Variants in USP2 observed in about 807,000 individuals in gnomAD.
USP2 encodes ubiquitin carboxyl-terminal hydrolase 2.
A neutral mutation model predicts 72.0 loss-of-function variants in USP2; 33 were observed. The observed-to-expected ratio is 0.46, with a 90% CI of 0.35 to 0.61. USP2 has a LOEUF of 0.61. USP2 is among the 20% of genes least tolerant of loss of function. The pLI is 0.01. For synonymous variants in USP2, 296 were observed against 312.5 expected (o/e 0.95, Z 0.56); for missense variants, 691 against 797.8 (o/e 0.87, Z 1.61).
rs543838425 is a variant in USP2, at chr11:119,355,249, G to T, written c.*1586C>A. The T allele has an allele frequency of 6.6e-6, 1 of 152,192 alleles. No individual in the cohort carries two copies. The highest frequency in any genetic ancestry group is 1.5e-5 in the Non-Finnish European group (1 of 68,040). The allele number at this position is 152,192 out of a possible 1,614,324, so 9.4% of individuals were successfully genotyped here. A position where few individuals can be genotyped will look rare whatever the true frequency, so the allele number is the denominator to read the frequency against. ...AAAGCTATTATTTATTCTGTACAAG[G>T]TTCCACTGTACATTAGACATTCTTC... On this transcript the variant is annotated 3_prime_UTR_variant, in exon 13 of 13. Coordinates refer to ENST00000260187, the MANE Select transcript of USP2 (RefSeq NM_004205.5).
Position 119,381,545 on chromosome 11 carries a change from C to T in USP2, c.-114G>A. Reference sequence around the variant, plus strand: ...AGCTGCGGGTGAGTCCCGGCTGGCGCTGGCGCGGCGCAGTGAGCACCAGCT... The same window carrying T: ...AGCTGCGGGTGAGTCCCGGCTGGCGTTGGCGCGGCGCAGTGAGCACCAGCT... On this transcript the variant is annotated 5_prime_UTR_variant, in exon 1 of 13. Transcript: ENST00000260187. The T allele has an allele frequency of 1.3e-6, 2 of 1,536,086 alleles. No homozygotes were observed. Among genetic ancestry groups the T allele is most frequent in the South Asian group, 1.2e-5 (1 of 84,050 alleles).
chr11:119,367,941 C>T (rs74789371), intron 2 of USP2, among the ~76,000 whole-genome samples: 2,869 of 152,262 alleles, frequency 0.019, 100 homozygotes, highest in African/African-American at 0.066. Context: ...CCCAGCACCA[C>T]ATTAACTCAT....
At chr11:119,371,267 C>A (rs1950922436) in intron 2 of USP2, among the ~76,000 whole-genome samples, 1 of 152,066 alleles carries the variant, frequency 6.6e-6, no homozygotes. Flanking sequence ...TTCTAGGACC[C>A]GAGCCCCTCC....
Position 119,373,628 on chromosome 11 carries a change from T to C in USP2, c.-41-107A>G, listed in dbSNP as rs535695084. 92 of 1,117,250 alleles carry C rather than the reference T, an allele frequency of 8.2e-5. No individual in the cohort carries two copies. In the African/African-American group the frequency reaches 1.3e-3, roughly 16 times the overall value. 69.2% of individuals were successfully genotyped at this position (1,117,250 alleles called of 1,614,324 possible). The stretch of plus-strand genomic sequence containing the variant: ...CCAGAACCTCAGAGCTCCCAGTCCA[T>C]TTCCACAAGAGGCAGGCTGGCTGCT... On this transcript the variant is annotated intron_variant, in intron 1 of 12. Coordinates refer to ENST00000260187, the MANE Select transcript of USP2 (RefSeq NM_004205.5).
rs149013433 is a variant in USP2 at position 119,373,020 on chromosome 11, C to T, written c.461G>A (p.Arg154Gln). ...SDLARDFSSL[R>Q]TSDSYRIDPR... ...GTCTATCCGGTAGCTATCTGAGGTC[C>T]GGAGGCTGGAGAAATCCCGGGCCAG... is the stretch of plus-strand genomic sequence containing the variant. Residue 154 changes from arginine (R) to glutamine (Q), a missense_variant, in exon 2 of 13, where the codon CGG becomes CAG. Physicochemically the swap from Arg to Gln is conservative, Grantham distance 43 (BLOSUM62 1). Transcript: ENST00000260187. 30 of 1,613,720 alleles carry T rather than the reference C, an allele frequency of 1.9e-5. No homozygotes were observed. Among genetic ancestry groups the T allele is most frequent in the Non-Finnish European group, 2.1e-5 (25 of 1,180,032 alleles).
intron 2 of USP2, among the ~76,000 whole-genome samples, chr11:119,366,929 C>T (rs2135399839): frequency 6.6e-6 from 1 of 152,262 alleles, no homozygotes; most frequent in East Asian, 1.9e-4. Context: ...CAGGGAGGGC[C>T]AGATGCAGAA....
Position 119,373,188 on chromosome 11 carries a change from C to T in USP2, c.293G>A (p.Gly98Asp), listed in dbSNP as rs1198213301. The change falls in exon 2 of 13, where the codon GGT becomes GAT. Residue 98 changes from glycine to aspartate, a missense_variant. Transcript: ENST00000260187. Reference sequence around the variant, plus strand: ...GCCACTGCCTAAAGGCCGCTCAGTACCCCGGGTCTGGCTCTCTGCCCGCTT... The same window carrying T: ...GCCACTGCCTAAAGGCCGCTCAGTATCCCGGGTCTGGCTCTCTGCCCGCTT... ...GGKRAESQTR[G>D]TERPLGSGLS... 1.2e-6 allele frequency: 2 copies of T among 1,614,048 alleles called. No homozygotes were observed. The highest frequency in any genetic ancestry group is 2.2e-5 in the East Asian group (1 of 44,888).
intron 2 of USP2, chr11:119,364,232 C>A: frequency 3.7e-6 from 4 of 1,080,658 alleles, no homozygotes; most frequent in Non-Finnish European, 4.5e-6. Flanking sequence ...GCGCCTCGGG[C>A]CCCGCGACGT....
intron 2 of USP2, among the ~76,000 whole-genome samples, chr11:119,372,198 T>C (rs764376362): frequency 2.6e-4 from 39 of 152,226 alleles, no homozygotes; most frequent in Non-Finnish European, 5.4e-4. Flanking sequence ...AGTATGCCAG[T>C]GTCACTCAGA....
At position 119,357,855 on chromosome 11, in the gene USP2, G is replaced by C; in HGVS notation, c.1423-20C>G. The C allele has an allele frequency of 2.5e-6, 4 of 1,614,088 alleles. No individual in the cohort carries two copies. Among genetic ancestry groups the C allele is most frequent in the Non-Finnish European group, 3.4e-6 (4 of 1,180,022 alleles). ...GCATGTCTGAGAGACAAGACAAACA[G>C]AAAGAACTTGTGGGGAAGTCAGTGG... On this transcript the variant is annotated intron_variant, in intron 9 of 12. Transcript: ENST00000260187.
At chr11:119,357,108 G>T in intron 12 of USP2, 79 bp downstream of exon 12, 1 of 1,393,810 alleles carries the variant, frequency 7.2e-7, no homozygotes, top group Non-Finnish European at 9.6e-7. Flanking sequence ...GGAGGGGGGT[G>T]GGTTTGGGGG....
At chr11:119,363,553 ACCTGT>A (rs1950799574) in intron 2 of USP2, among the ~76,000 whole-genome samples, 1 of 151,782 alleles carries the variant, frequency 6.6e-6, no homozygotes, top group South Asian at 2.1e-4. Flanking sequence ...GCTTTCCTGC[ACCTGT>A]CCTGATAGGT....
chr11:119,378,140 C>T (rs1255452283), intron 1 of USP2, among the ~76,000 whole-genome samples: 1 of 152,144 alleles, frequency 6.6e-6, no homozygotes, highest in Non-Finnish European at 1.5e-5. Context: ...CTAACAGCAT[C>T]AGAATGTGCT....
At chr11:119,361,364 C>G (rs896717897) in intron 2 of USP2, among the ~76,000 whole-genome samples, 1 of 152,180 alleles carries the variant, frequency 6.6e-6, no homozygotes, top group Admixed American at 6.5e-5. Context: ...CTGGGCATAT[C>G]TCCAAGGAGT....
chr11:119,381,208 A>G (rs1314978553), intron 1 of USP2, among the ~76,000 whole-genome samples: 1 of 152,122 alleles, frequency 6.6e-6, no homozygotes, highest in Non-Finnish European at 1.5e-5. Context: ...TACACGGGGC[A>G]CAGCGAGGAG....
At position 119,357,304 on chromosome 11, in the gene USP2, T is replaced by C. The variant is rs1950682102; in HGVS notation, c.1613A>G (p.His538Arg). ...LREFASENTNHAVYNLYAVSN... is the reference protein window; with the variant it reads ...LREFASENTNRAVYNLYAVSN... ...CACAGCGTACAGGTTGTAAACAGCA[T>C]GGTCTGAGGAGGAGGCAGCCGTCAA... Residue 538 changes from histidine to arginine, a missense_variant, in exon 12 of 13, where the codon CAT becomes CGT. His to Arg is a conservative substitution (Grantham distance 29). Coordinates refer to ENST00000260187, the MANE Select transcript of USP2 (RefSeq NM_004205.5). 2.5e-6 allele frequency: 4 copies of C among 1,613,088 alleles called. No homozygotes were observed. Among genetic ancestry groups the C allele is most frequent in the Non-Finnish European group, 1.7e-6 (2 of 1,179,852 alleles).
rs910755347 is a variant in USP2 at position 119,381,663 on chromosome 11, C to T, written c.-232G>A. The T allele has an allele frequency of 2.6e-5, 28 of 1,083,158 alleles. No homozygotes were observed. Among genetic ancestry groups the T allele is most frequent in the Non-Finnish European group, 3.4e-5 (25 of 742,804 alleles). 67.1% of individuals were successfully genotyped at this position (1,083,158 alleles called of 1,614,324 possible). On this transcript the variant is annotated 5_prime_UTR_variant, in exon 1 of 13. It adds an upstream start codon to the 5' untranslated region. Coordinates refer to ENST00000260187, the MANE Select transcript of USP2 (RefSeq NM_004205.5). ...GGACCTCCCCGGGAAATCGGCGCCA[C>T]CCAGCGGGCAGCCGCCTCATCGCGC... is the stretch of plus-strand genomic sequence containing the variant.
At chr11:119,358,920 A>C in intron 6 of USP2, 83 bp from the exon 7 acceptor site, 2 of 1,593,252 alleles carry the variant, frequency 1.3e-6, no homozygotes, top group South Asian at 1.1e-5. Flanking sequence ...CTTCATCTTC[A>C]AAAGTAAATC....
At chr11:119,367,683 C>T (rs944937280) in intron 2 of USP2, among the ~76,000 whole-genome samples, 1 of 152,176 alleles carries the variant, frequency 6.6e-6, no homozygotes, top group South Asian at 2.1e-4. Context: ...CACCTTTGAG[C>T]CCAGGCAGTC....
Sources: gnomAD v4.1 joint callset for allele counts (sites outside exome capture counted in the v4.1 genomes callset) on GRCh38, gnomAD v4.1.1 for gene constraint, MANE v1.5 for transcripts, NCBI Gene and HGNC (gene_info 2026-07-23, HGNC 2026-07-21) for gene names.